KCND3: variants seen among roughly 807,000 people sequenced by gnomAD.
KCND3 encodes potassium voltage-gated channel subfamily D member 3.
KCND3 carries 9 observed loss-of-function variants against 51.1 expected under a neutral mutation model. The observed-to-expected ratio is 0.18, with a 90% confidence interval of 0.11 to 0.31. KCND3 has a LOEUF of 0.31. Among genes scored for constraint, KCND3 ranks in the 10% least tolerant of loss-of-function variants. The pLI is 1.00. For missense variants in KCND3, 526 were observed against 903.8 expected (o/e 0.58, Z 5.36); for synonymous variants, 349 against 368.0 (o/e 0.95, Z 0.59).
intron 2 of KCND3, among the ~76,000 whole-genome samples, chr1:111,911,197 C>T (rs1233926829): frequency 6.6e-6 from 1 of 152,150 alleles, no homozygotes; most frequent in African/African-American, 2.4e-5. Context: ...GCATGGCTAC[C>T]ACCAGGGAAA....
In KCND3 at chr1:111,802,477, G is replaced by C. The variant is rs116607313; in HGVS notation, c.1107-15371C>G. 5.8e-3 allele frequency among the ~76,000 whole-genome samples: 888 copies of C among 152,348 alleles called. 3 individuals carry two copies. Among genetic ancestry groups the C allele is most frequent in the African/African-American group, 0.02 (825 of 41,578 alleles). On this transcript the variant is annotated intron_variant, in intron 2 of 7. Coordinates refer to ENST00000302127, the MANE Select transcript of KCND3 (RefSeq NM_001378969.1). Reference sequence around the variant, plus strand: ...GCAAGTCTGCATCTTCCTCTCTCTAGTTGTGTGACTTCGGGGCAGCGACTT... The same window carrying C: ...GCAAGTCTGCATCTTCCTCTCTCTACTTGTGTGACTTCGGGGCAGCGACTT...
chr1:111,828,826 C>T (rs527703439), intron 2 of KCND3, among the ~76,000 whole-genome samples: 5 of 152,336 alleles, frequency 3.3e-5, no homozygotes, highest in African/African-American at 7.2e-5. Flanking sequence ...GGTACTGCTT[C>T]CTATTTGCTT....
chr1:111,849,905 G>A (rs1032565302), intron 2 of KCND3, among the ~76,000 whole-genome samples: 1 of 152,010 alleles, frequency 6.6e-6, no homozygotes, highest in African/African-American at 2.4e-5. Context: ...CAGCCCTCCT[G>A]TGACAGGATT....
intron 2 of KCND3, among the ~76,000 whole-genome samples, chr1:111,848,409 T>C (rs1667661336): frequency 6.6e-6 from 1 of 152,240 alleles, no homozygotes; most frequent in South Asian, 2.1e-4. Flanking sequence ...GCCAGGGCTT[T>C]GGGACTAACC....
chr1:111,934,662 T>C (rs2101869897), intron 2 of KCND3, among the ~76,000 whole-genome samples: 1 of 152,340 alleles, frequency 6.6e-6, no homozygotes, highest in African/African-American at 2.4e-5. Context: ...GGTATGTTTG[T>C]GCATGTGTGT....
chr1:111,786,308 C>A (rs549892574), intron 3 of KCND3, among the ~76,000 whole-genome samples: 1 of 152,362 alleles, frequency 6.6e-6, no homozygotes, highest in South Asian at 2.1e-4. Flanking sequence ...TTCCTCATTG[C>A]ATGGGCAAAT....
chr1:111,941,254 A>T (rs1033570012), intron 2 of KCND3, among the ~76,000 whole-genome samples: 1 of 152,188 alleles, frequency 6.6e-6, no homozygotes, highest in Admixed American at 6.5e-5. Context: ...ACATTGTGGA[A>T]GGGTGTCGGC....
At position 111,773,832 on chromosome 1, in the gene KCND3, T is replaced by C. The variant is rs1664009443; in HGVS notation, c.*2245A>G. 2 of 152,200 alleles carry C rather than the reference T, an allele frequency of 1.3e-5. No individual in the cohort carries two copies. Among genetic ancestry groups the C allele is most frequent in the South Asian group, 2.1e-4 (1 of 4,832 alleles). The allele number at this position is 152,200 out of a possible 1,614,324, so 9.4% of individuals were successfully genotyped here. On this transcript the variant is annotated 3_prime_UTR_variant, in exon 8 of 8. Transcript: ENST00000302127. ...CATTTTTTTTAAGAGAAAAATTCTT[T>C]TCTAGTCCTTTGCCCGCCCTCTAAG... is the stretch of plus-strand genomic sequence containing the variant.
chr1:111,921,903 G>A (rs1239835454), intron 2 of KCND3, among the ~76,000 whole-genome samples: 1 of 152,120 alleles, frequency 6.6e-6, no homozygotes, highest in Non-Finnish European at 1.5e-5. Context: ...TGAGCTCCTG[G>A]GGAGATAATG....
chr1:111,897,767 A>T (rs1301358991), intron 2 of KCND3, among the ~76,000 whole-genome samples: 1 of 152,220 alleles, frequency 6.6e-6, no homozygotes, highest in Non-Finnish European at 1.5e-5. Context: ...CATATGTCAC[A>T]TGGGGAGAGG....
chr1:111,775,363 A>G lies in KCND3; in HGVS notation c.*714T>C, dbSNP rs1239174237. 1 of 154,876 alleles carries G rather than the reference A, an allele frequency of 6.5e-6. No homozygotes were observed. Among genetic ancestry groups the G allele is most frequent in the Non-Finnish European group, 1.4e-5 (1 of 69,724 alleles). 9.6% of individuals were successfully genotyped at this position (154,876 alleles called of 1,614,324 possible). On this transcript the variant is annotated 3_prime_UTR_variant, in exon 8 of 8. Transcript: ENST00000302127. ...AAGGATTGCCGTGTGGTCACTTGGC[A>G]GCTCTGCACAGGTCAGCTGGGCAGT...
At chr1:111,899,972 A>G (rs1028302634) in intron 2 of KCND3, among the ~76,000 whole-genome samples, 5 of 152,152 alleles carry the variant, frequency 3.3e-5, no homozygotes, top group African/African-American at 1.2e-4. Flanking sequence ...GATCACGGGC[A>G]CTGATCGGGG....
intron 2 of KCND3, chr1:111,910,023 CA>C (rs1218378006): frequency 6.6e-6 from 1 of 152,224 alleles, no homozygotes; most frequent in South Asian, 2.1e-4. Flanking sequence ...CGAGCAAATG[CA>C]GCAGGAATAA....
chr1:111,825,333 G>T (rs1009544917), intron 2 of KCND3, among the ~76,000 whole-genome samples: 1 of 152,112 alleles, frequency 6.6e-6, no homozygotes, highest in African/African-American at 2.4e-5. Context: ...ATCAGCTCAG[G>T]TTGTTCTTAA....
intron 2 of KCND3, among the ~76,000 whole-genome samples, chr1:111,921,452 A>G (rs182015416): frequency 6.6e-6 from 1 of 152,334 alleles, no homozygotes; most frequent in East Asian, 1.9e-4. Flanking sequence ...TAGAGGCAGG[A>G]TTATGGGGAC....
intron 2 of KCND3, among the ~76,000 whole-genome samples, chr1:111,839,301 T>G (rs1257119783): frequency 1.3e-5 from 2 of 152,228 alleles, no homozygotes; most frequent in Non-Finnish European, 2.9e-5. Flanking sequence ...ATTTGTTCCC[T>G]TTGGTGAAAA....
chr1:111,959,748 G>A (rs947456537), intron 2 of KCND3, among the ~76,000 whole-genome samples: 5 of 152,172 alleles, frequency 3.3e-5, no homozygotes, highest in Non-Finnish European at 7.4e-5. Flanking sequence ...CTCTAGTAGT[G>A]AGCCTCTTCC....
At chr1:111,820,731 T>C (rs370486028) in intron 2 of KCND3, among the ~76,000 whole-genome samples, 156 of 152,294 alleles carry the variant, frequency 1.0e-3, no homozygotes, top group Middle Eastern at 3.4e-3. Context: ...TCTTTGTGGA[T>C]GTAATCAAGT....
chr1:111,835,489 C>A (rs751740220), intron 2 of KCND3, among the ~76,000 whole-genome samples: 4 of 152,302 alleles, frequency 2.6e-5, no homozygotes, highest in Admixed American at 6.5e-5. Context: ...GCACAAGAAA[C>A]AGGTCACAAA....
Sources: allele counts gnomAD v4.1 joint callset (sites outside exome capture counted in the v4.1 genomes callset), GRCh38; gene constraint gnomAD v4.1.1; transcripts MANE v1.5; gene names NCBI Gene and HGNC (gene_info 2026-07-23, HGNC 2026-07-21).